CARD14: variants seen among roughly 807,000 people sequenced by gnomAD.
CARD14 encodes the protein caspase recruitment domain family member 14.
A neutral mutation model predicts 111.5 loss-of-function variants in CARD14; 107 were observed. The ratio of observed to expected loss-of-function variants is 0.96; its 90% CI spans 0.82 to 1.13. The LOEUF is 1.13. Ranked by LOEUF, CARD14 falls within the 50% of genes most tolerant of loss-of-function variation. The pLI is 0.00. For missense variants in CARD14, 1,322 were observed against 1,362.3 expected, an observed-to-expected ratio of 0.97 and a Z score of 0.47; for synonymous variants, 617 against 579.6, an observed-to-expected ratio of 1.06 and a Z score of -0.93.
chr17:80,201,869 C>T lies in CARD14; in HGVS notation c.1977C>T (p.Asp659=), dbSNP rs200737962. The change falls in exon 17 of 24, where the codon GAC becomes GAT. Residue 659 remains aspartate, a splice_region_variant and synonymous_variant. Coordinates refer to ENST00000648509, the MANE Select transcript of CARD14 (RefSeq NM_001366385.1). This position sits in a 1 kb window ranked among gnomAD's most constrained non-coding sequence, Gnocchi z 5.0. ...GCCTGTCTGTGAAGGTCAACACGGA[C>T]GGTACACATACCACTCCTCTCGTGT... The part of the protein sequence containing the change: ...FCCLSVKVNT[D]GYKRLLQDLE... 5.9e-5 allele frequency: 95 copies of T among 1,611,880 alleles called. No homozygotes were observed. Among genetic ancestry groups the T allele is most frequent in the South Asian group, 3.1e-4 (28 of 90,708 alleles).
rs747439154 is a variant in CARD14, at chr17:80,190,914, G to A, written c.1089+15G>A. On this transcript the variant is annotated intron_variant, in intron 10 of 23. Transcript: ENST00000648509. The stretch of plus-strand genomic sequence containing the variant: ...AGCGAGACCAGGTACCTGAGAGGCC[G>A]GGCCCACCCCGCCACCCCATGCTTG... 31 of 1,610,894 alleles carry A rather than the reference G, an allele frequency of 1.9e-5. No individual in the cohort carries two copies. The highest frequency in any genetic ancestry group is 2.7e-5 in the African/African-American group (2 of 74,796).
At position 80,190,000 on chromosome 17, in the gene CARD14, C is replaced by T. The variant is rs1598652886; in HGVS notation, c.963+128C>T. The T allele has an allele frequency of 1.6e-5, 21 of 1,308,242 alleles. No homozygotes were observed. The highest frequency in any genetic ancestry group is 3.0e-5 in the East Asian group (1 of 33,678). 81.0% of individuals were successfully genotyped at this position (1,308,242 alleles called of 1,614,324 possible). Reference sequence around the variant, plus strand: ...ACATAATTTTGCTGAACGAATCTGTCGGCCTGTTCATCTGTCCCTTTGTCA... The same window carrying T: ...ACATAATTTTGCTGAACGAATCTGTTGGCCTGTTCATCTGTCCCTTTGTCA... On this transcript the variant is annotated intron_variant, in intron 9 of 23. Coordinates refer to ENST00000648509, the MANE Select transcript of CARD14 (RefSeq NM_001366385.1). This position sits in a 1 kb window ranked among gnomAD's most constrained non-coding sequence, Gnocchi z 4.7.
At chr17:80,177,246 T>A (rs116757597) in intron 2 of CARD14, among the ~76,000 whole-genome samples, 3,510 of 152,072 alleles carry the variant, frequency 0.023, 145 homozygotes, top group African/African-American at 0.08. Context: ...CTTTTTTTTT[T>A]AAGACAGGGT....
chr17:80,172,832 A>G (rs1598619840), intron 1 of CARD14, 74 bp from the exon 2 acceptor site: 2 of 121,386 alleles, frequency 1.6e-5, no homozygotes, highest in Admixed American at 1.6e-4. Flanking sequence ...AATAATGACT[A>G]TGGTTTTTAT....
At chr17:80,187,535 C>A (rs1014854808) in intron 7 of CARD14, among the ~76,000 whole-genome samples, 1 of 152,216 alleles carries the variant, frequency 6.6e-6, no homozygotes, top group Non-Finnish European at 1.5e-5. Flanking sequence ...AATCTGTGGA[C>A]GGTGACATGC....
chr17:80,175,823 T>C (rs2040011088), intron 2 of CARD14, among the ~76,000 whole-genome samples: 1 of 151,700 alleles, frequency 6.6e-6, no homozygotes, highest in Non-Finnish European at 1.5e-5. Flanking sequence ...CCCCCAGCCC[T>C]GGCCCTGGGG....
At chr17:80,172,086 G>C (rs1424107102) in intron 1 of CARD14, among the ~76,000 whole-genome samples, 1 of 152,256 alleles carries the variant, frequency 6.6e-6, no homozygotes, top group East Asian at 1.9e-4. Flanking sequence ...ACTCGATATA[G>C]TAAGATACTG....
chr17:80,182,641 C>G lies in CARD14; in HGVS notation c.212-12C>G, dbSNP rs1441542796. On this transcript the variant is annotated splice_polypyrimidine_tract_variant and intron_variant, in intron 5 of 23. Transcript: ENST00000648509. The surrounding 1 kb of genome is among the most constrained non-coding windows in gnomAD (Gnocchi z 4.7). Reference sequence around the variant, plus strand: ...CTGGGTTCTGCCCAGACAGACGGTTCTGCCTCCCAAGGGCACTTGCTGGAT... The same window carrying G: ...CTGGGTTCTGCCCAGACAGACGGTTGTGCCTCCCAAGGGCACTTGCTGGAT... 6.2e-7 allele frequency: 1 copy of G among 1,613,802 alleles called. No homozygotes were observed. Among genetic ancestry groups the G allele is most frequent in the Non-Finnish European group, 8.5e-7 (1 of 1,179,894 alleles).
In CARD14 at chr17:80,189,764, C is replaced by T; in HGVS notation, c.855C>T (p.Asp285=). The T allele has an allele frequency of 2.5e-6, 4 of 1,581,614 alleles. No homozygotes were observed. Among genetic ancestry groups the T allele is most frequent in the Non-Finnish European group, 3.4e-6 (4 of 1,167,684 alleles). ...TCTCTCTGCCCCAGGCGGAGAAGGA[C>T]ATTCTGGAGCAGAGCCTGGACGAGG... ...RSLTFSLAEK[D]ILEQSLDEAR... The change falls in exon 9 of 24, where the codon GAC becomes GAT. Residue 285 remains aspartate, a synonymous_variant. Coordinates refer to ENST00000648509, the MANE Select transcript of CARD14 (RefSeq NM_001366385.1). The surrounding 1 kb of genome is among the most constrained non-coding windows in gnomAD (Gnocchi z 4.7).
At chr17:80,205,264 CT>C in intron 21 of CARD14, 59 bp downstream of exon 21, 1 of 1,440,634 alleles carries the variant, frequency 6.9e-7, no homozygotes, top group Non-Finnish European at 9.5e-7. Context: ...CCCTCCTCCC[CT>C]TCCTCCCTCC....
chr17:80,208,655 A>C lies in CARD14; in HGVS notation c.*310A>C. 1 of 299,902 alleles carries C rather than the reference A, an allele frequency of 3.3e-6. No individual in the cohort carries two copies. Among genetic ancestry groups the C allele is most frequent in the Non-Finnish European group, 6.1e-6 (1 of 163,030 alleles). The allele number at this position is 299,902 out of a possible 1,614,324, so 18.6% of individuals were successfully genotyped here. The stretch of plus-strand genomic sequence containing the variant: ...GACGTCTTCCCATGCCTTCCCTAGA[A>C]CCGGAGGCCCCGGACTTCTCTGGAA... On this transcript the variant is annotated 3_prime_UTR_variant, in exon 24 of 24. Transcript: ENST00000648509.
chr17:80,202,477 C>T (rs922885202), intron 18 of CARD14, 57 bp downstream of exon 18: 49 of 1,579,988 alleles, frequency 3.1e-5, no homozygotes, highest in Non-Finnish European at 4.1e-5. Flanking sequence ...GGAAATGGCA[C>T]CCAGCCTGCC....
Position 80,192,799 on chromosome 17 carries a change from C to T in CARD14, c.1356+180C>T, listed in dbSNP as rs141523136. Among the ~76,000 whole-genome samples the T allele has an allele frequency of 7.5e-3, 1,143 of 152,314 alleles. 10 individuals are homozygous for T. Among genetic ancestry groups the T allele is most frequent in the African/African-American group, 0.024 (980 of 41,560 alleles). On this transcript the variant is annotated intron_variant, in intron 12 of 23. Transcript: ENST00000648509. Reference sequence around the variant, plus strand: ...GACAGAGTCTCCTCTGTCACCCAGGCTGGAGTGCAGTGATGTGATTTCGGC... The same window carrying T: ...GACAGAGTCTCCTCTGTCACCCAGGTTGGAGTGCAGTGATGTGATTTCGGC...
At position 80,205,212 on chromosome 17, in the gene CARD14, T is replaced by C; in HGVS notation, c.2569+7T>C. On this transcript the variant is annotated splice_region_variant and intron_variant, in intron 21 of 23. Transcript: ENST00000648509. Reference sequence around the variant, plus strand: ...TTTAAGAAGTGCCTGGCAGGTATGCTGTTGCCTGGGAATCCCTCTACCCCT... The same window carrying C: ...TTTAAGAAGTGCCTGGCAGGTATGCCGTTGCCTGGGAATCCCTCTACCCCT... 2 of 1,607,884 alleles carry C rather than the reference T, an allele frequency of 1.2e-6. No homozygotes were observed. The highest frequency in any genetic ancestry group is 8.5e-7 in the Non-Finnish European group (1 of 1,176,096).
At chr17:80,204,097 G>T in intron 19 of CARD14, 130 bp from the exon 20 acceptor site, 1 of 936,354 alleles carries the variant, frequency 1.1e-6, no homozygotes, top group South Asian at 1.7e-5. Context: ...CACACCTCAG[G>T]CTGTTCTCAG....
In CARD14 at chr17:80,191,483, C is replaced by T. The variant is rs748956995; in HGVS notation, c.1239+11C>T. 1.1e-5 allele frequency: 17 copies of T among 1,606,016 alleles called. No individual in the cohort carries two copies. The highest frequency in any genetic ancestry group is 1.1e-5 in the Non-Finnish European group (13 of 1,174,222). On this transcript the variant is annotated intron_variant, in intron 11 of 23. Coordinates refer to ENST00000648509, the MANE Select transcript of CARD14 (RefSeq NM_001366385.1). ...GAGCCTCCGGGTGTGGTGAGTGTTC[C>T]CGGCTGACCCGAGCTGGAGGCCAGG...
In CARD14 at chr17:80,182,095, G is replaced by C. The variant is rs949974150; in HGVS notation, c.211+446G>C. Among the ~76,000 whole-genome samples the C allele has an allele frequency of 2.0e-5, 3 of 152,230 alleles. No homozygotes were observed. Among genetic ancestry groups the C allele is most frequent in the African/African-American group, 7.2e-5 (3 of 41,452 alleles). ...GGCAGTAGGTGGTAGCTGTCAACATGATAATGTTCATGCATGTTGGCGTAC... is the reference window on the plus strand; with the variant it reads ...GGCAGTAGGTGGTAGCTGTCAACATCATAATGTTCATGCATGTTGGCGTAC... On this transcript the variant is annotated intron_variant, in intron 5 of 23. Transcript: ENST00000648509. This position sits in a 1 kb window ranked among gnomAD's most constrained non-coding sequence, Gnocchi z 4.7.
intron 2 of CARD14, among the ~76,000 whole-genome samples, chr17:80,178,233 G>T (rs1215056217): frequency 2.6e-5 from 4 of 152,194 alleles, no homozygotes; most frequent in African/African-American, 9.6e-5. Context: ...AGGCCTGTGG[G>T]TGCTTTGGAT....
Position 80,203,620 on chromosome 17 carries a change from T to C in CARD14, c.2220-202T>C, listed in dbSNP as rs2041110850. 1 of 520,948 alleles carries C rather than the reference T, an allele frequency of 1.9e-6. No individual in the cohort carries two copies. Among genetic ancestry groups the C allele is most frequent in the Non-Finnish European group, 3.4e-6 (1 of 293,908 alleles). The allele number at this position is 520,948 out of a possible 1,614,324, so 32.3% of individuals were successfully genotyped here. A position where few individuals can be genotyped will look rare whatever the true frequency, so the allele number is the denominator to read the frequency against. On this transcript the variant is annotated intron_variant, in intron 18 of 23. Coordinates refer to ENST00000648509, the MANE Select transcript of CARD14 (RefSeq NM_001366385.1). This position sits in a 1 kb window ranked among gnomAD's most constrained non-coding sequence, Gnocchi z 4.6. ...CATCTCCAGGGGTGGGCCGAGGCCC[T>C]GGAGTCTTTTGAAAGCTCTGGAGAC...
Sources: allele counts gnomAD v4.1 joint callset (sites outside exome capture counted in the v4.1 genomes callset), GRCh38; gene constraint gnomAD v4.1.1; non-coding constraint Gnocchi (gnomAD v3.1); transcripts MANE v1.5; gene names NCBI Gene and HGNC (gene_info 2026-07-23, HGNC 2026-07-21).